Variants in FMN2 observed in about 807,000 individuals in gnomAD.
The protein encoded by FMN2 is formin 2.
A neutral mutation model predicts 142.3 loss-of-function variants in FMN2; 51 were observed. The observed-to-expected ratio is 0.36, with a 90% CI of 0.29 to 0.45. The LOEUF is 0.45. Ranked by LOEUF, FMN2 falls within the 20% of genes least tolerant of loss-of-function variation. The pLI is 1.00. For synonymous variants in FMN2, 882 were observed against 869.8 expected (o/e 1.01, Z -0.25); for missense variants, 1,936 against 2,122.8 (o/e 0.91, Z 1.73).
chr1:240,170,492 A>G, intron 2 of FMN2: 2 of 1,489,356 alleles, frequency 1.3e-6, no homozygotes, highest in East Asian at 4.5e-5. Flanking sequence ...AAATCCTAAA[A>G]CTAACCTTGC....
intron 2 of FMN2, among the ~76,000 whole-genome samples, chr1:240,172,225 G>T (rs1236671385): frequency 1.7e-5 from 2 of 118,508 alleles, no homozygotes; most frequent in Non-Finnish European, 3.7e-5. Flanking sequence ...CACAGAAAAA[G>T]ACATTTATGG....
intron 6 of FMN2, among the ~76,000 whole-genome samples, chr1:240,243,615 A>G (rs999846494): frequency 1.3e-5 from 2 of 152,232 alleles, no homozygotes; most frequent in African/African-American, 4.8e-5. Context: ...TTTGCAAGAC[A>G]TTTTATGCTT....
chr1:240,316,234 A>G (rs1160576973), intron 8 of FMN2, among the ~76,000 whole-genome samples: 2 of 152,022 alleles, frequency 1.3e-5, no homozygotes, highest in Non-Finnish European at 2.9e-5. Flanking sequence ...GCAGTTGCTG[A>G]AAAGGCAACA....
intron 16 of FMN2, among the ~76,000 whole-genome samples, chr1:240,438,414 G>A (rs12217144): frequency 0.57 from 86,895 of 152,018 alleles, 25,045 homozygotes; most frequent in Non-Finnish European, 0.62. Context: ...GCTACAGAGA[G>A]TAACTAGGGT....
At chr1:240,244,338 C>T (rs1185496201) in intron 6 of FMN2, among the ~76,000 whole-genome samples, 3 of 152,156 alleles carry the variant, frequency 2.0e-5, no homozygotes, top group Non-Finnish European at 4.4e-5. Flanking sequence ...TAAGATTTTA[C>T]TAGCTTGTAA....
At chr1:240,165,404 G>A (rs1294999389) in intron 2 of FMN2, among the ~76,000 whole-genome samples, 1 of 152,050 alleles carries the variant, frequency 6.6e-6, no homozygotes, top group Non-Finnish European at 1.5e-5. Flanking sequence ...TCAAACTGCT[G>A]GACTCAAGCA....
At chr1:240,146,427 G>C (rs1422769744) in intron 2 of FMN2, among the ~76,000 whole-genome samples, 1 of 148,754 alleles carries the variant, frequency 6.7e-6, no homozygotes, top group African/African-American at 2.5e-5. Flanking sequence ...GTATGGCCAG[G>C]CACAGTGGCT....
Position 240,361,175 on chromosome 1 carries a change from ATATATATAT to A in FMN2, c.4858+5268_4858+5276del, listed in dbSNP as rs1672466355. 3.7e-5 allele frequency among the ~76,000 whole-genome samples: 4 copies of A among 108,374 alleles called. 1 individual carries two copies. The highest frequency in any genetic ancestry group is 4.1e-5 in the Non-Finnish European group (2 of 48,214). 71.1% of individuals were successfully genotyped at this position (108,374 alleles called of 152,430 possible). On this transcript the variant is annotated intron_variant, in intron 14 of 17. Coordinates refer to ENST00000319653, the MANE Select transcript of FMN2 (RefSeq NM_020066.5). ...TATATATATATATATATATATATAT[ATATATATAT>A]AAAAGAGTTTAAAGAAGGAAAAAAA...
At chr1:240,132,704 G>C (rs1459994401) in intron 2 of FMN2, among the ~76,000 whole-genome samples, 2 of 152,118 alleles carry the variant, frequency 1.3e-5, no homozygotes, top group Non-Finnish European at 2.9e-5. Context: ...TGGGTGATAC[G>C]GGCTTTGGAA....
At chr1:240,276,432 A>T (rs1669215382) in intron 7 of FMN2, among the ~76,000 whole-genome samples, 1 of 152,066 alleles carries the variant, frequency 6.6e-6, no homozygotes, top group Non-Finnish European at 1.5e-5. Context: ...TAATTTGAGG[A>T]GAAGCTTCAT....
At chr1:240,396,205 T>G (rs1673765067) in intron 15 of FMN2, among the ~76,000 whole-genome samples, 1 of 152,224 alleles carries the variant, frequency 6.6e-6, no homozygotes, top group Non-Finnish European at 1.5e-5. Context: ...AACTTTTATA[T>G]GCACTAGGAA....
intron 1 of FMN2, among the ~76,000 whole-genome samples, chr1:240,119,203 C>T (rs975887196): frequency 6.6e-6 from 1 of 151,992 alleles, no homozygotes; most frequent in Non-Finnish European, 1.5e-5. Flanking sequence ...GTGGCGCATG[C>T]CTGTAATCCC....
chr1:240,266,877 G>T (rs2102912637), intron 7 of FMN2, among the ~76,000 whole-genome samples: 1 of 152,218 alleles, frequency 6.6e-6, no homozygotes, highest in South Asian at 2.1e-4. Flanking sequence ...AATGGTGCTA[G>T]ATGGCCAACC....
chr1:240,347,379 C>T (rs575781109), intron 13 of FMN2, among the ~76,000 whole-genome samples: 4 of 152,298 alleles, frequency 2.6e-5, no homozygotes, highest in African/African-American at 9.6e-5. Context: ...TCCTCTGAAA[C>T]CTACTCTTCT....
Position 240,229,525 on chromosome 1 carries a change from A to G in FMN2, c.4065+18290A>G, listed in dbSNP as rs376800332. 9.2e-5 allele frequency among the ~76,000 whole-genome samples: 14 copies of G among 152,354 alleles called. No homozygotes were observed. In the East Asian group the frequency reaches 1.9e-3, roughly 21 times the overall value. On this transcript the variant is annotated intron_variant, in intron 6 of 17. Transcript: ENST00000319653. ...AAGAGTCAGGACTTAATATGCTGCT[A>G]TGATAGTACCAATGTACTGTTTATA...
chr1:240,092,229 G>C lies in FMN2; in HGVS notation c.120G>C (p.Gly40=), dbSNP rs775215432. Reference sequence around the variant, plus strand: ...TGGAAGCCACAAAGAAGGGGAGCGGGGGCAAGAAGGCGCTAGGCAAGCACG... The same window carrying C: ...TGGAAGCCACAAAGAAGGGGAGCGGCGGCAAGAAGGCGCTAGGCAAGCACG... ...RDVEATKKGS[G]GKKALGKHGK... Residue 40 remains glycine (G), a synonymous_variant, in exon 1 of 18, where the codon GGG becomes GGC. Transcript: ENST00000319653. 1.4e-5 allele frequency: 22 copies of C among 1,579,570 alleles called. No homozygotes were observed. In the African/African-American group the frequency reaches 2.7e-4, roughly 19 times the overall value.
rs796443563 is a variant in FMN2 at position 240,261,395 on chromosome 1, C to CT, written c.4153+3374dup. On this transcript the variant is annotated intron_variant, in intron 7 of 17. Transcript: ENST00000319653. ...GACATGCTGCTTCTCCAAGATTGTG[C>CT]TTTTTTTTTTTACCACCAGCATTGG... 9.4e-3 allele frequency among the ~76,000 whole-genome samples: 1,338 copies of CT among 141,780 alleles called. 9 individuals carry two copies. The highest frequency in any genetic ancestry group is 0.025 in the Middle Eastern group (7 of 284). 93.0% of individuals were successfully genotyped at this position (141,780 alleles called of 152,430 possible).
intron 16 of FMN2, among the ~76,000 whole-genome samples, chr1:240,468,746 C>T (rs1223995127): frequency 1.3e-5 from 2 of 152,218 alleles, no homozygotes; most frequent in African/African-American, 2.4e-5. Context: ...GGATGGAACA[C>T]GTACAAACAG....
chr1:240,367,705 T>C (rs1197423323), intron 14 of FMN2, among the ~76,000 whole-genome samples: 1 of 144,048 alleles, frequency 6.9e-6, no homozygotes, highest in Non-Finnish European at 1.5e-5. Context: ...GAGGCAGAGG[T>C]TGCAGTGAGC....
Sources: gnomAD v4.1 joint callset for allele counts (sites outside exome capture counted in the v4.1 genomes callset) on GRCh38, gnomAD v4.1.1 for gene constraint, MANE v1.5 for transcripts, NCBI Gene and HGNC (gene_info 2026-07-23, HGNC 2026-07-21) for gene names.